PTPN11: variants seen among roughly 807,000 people sequenced by gnomAD.
The protein encoded by PTPN11 is protein tyrosine phosphatase non-receptor type 11, also known as tyrosine-protein phosphatase non-receptor type 11.
A neutral mutation model predicts 78.8 loss-of-function variants in PTPN11; 6 were observed. The observed-to-expected ratio is 0.08, with a 90% CI of 0.04 to 0.15. The LOEUF is 0.15. PTPN11 is among the 10% of genes least tolerant of loss of function. The probability of loss-of-function intolerance (pLI) is 1.00; values close to 1 mark genes in which losing one functional copy is unlikely to be tolerated. For synonymous variants in PTPN11, 221 were observed against 263.5 expected (o/e 0.84, Z 1.56); for missense variants, 386 against 744.8 (o/e 0.52, Z 5.61).
intron 5 of PTPN11, 100 bp downstream of exon 5, chr12:112,454,780 C>A (rs879449089): frequency 3.9e-6 from 3 of 778,978 alleles, no homozygotes; most frequent in Non-Finnish European, 6.8e-6. Context: ...ATAGTATCAT[C>A]AGCCTCCATG....
intron 6 of PTPN11, among the ~76,000 whole-genome samples, chr12:112,469,294 A>G (rs1468061826): frequency 6.6e-6 from 1 of 152,106 alleles, no homozygotes; most frequent in Non-Finnish European, 1.5e-5. Context: ...TCCGTAGATG[A>G]AGCCTGAAGA....
At chr12:112,475,187 G>A (rs990548487) in intron 7 of PTPN11, among the ~76,000 whole-genome samples, 2 of 152,174 alleles carry the variant, frequency 1.3e-5, no homozygotes, top group Admixed American at 1.3e-4. Flanking sequence ...TATAAGTGAA[G>A]GGGAGTGGGT....
intron 15 of PTPN11, among the ~76,000 whole-genome samples, chr12:112,505,206 C>T (rs1324894829): frequency 6.6e-6 from 1 of 152,150 alleles, no homozygotes; most frequent in Non-Finnish European, 1.5e-5. Flanking sequence ...TTCAGTCAGT[C>T]TCTGACCAAC....
intron 13 of PTPN11, among the ~76,000 whole-genome samples, chr12:112,491,906 C>T (rs773477259): frequency 3.9e-5 from 6 of 152,144 alleles, no homozygotes; most frequent in African/African-American, 7.2e-5. Flanking sequence ...GGAGCTTCGC[C>T]GTGTTGCCCC....
At position 112,482,052 on chromosome 12, in the gene PTPN11, CT is replaced by C. The variant is rs1592850227; in HGVS notation, c.1093-15del. On this transcript the variant is annotated intron_variant, in intron 9 of 15. Transcript: ENST00000351677. The surrounding 1 kb of genome is among the most constrained non-coding windows in gnomAD (Gnocchi z 4.4). ...TTTCAGAGTTCACAGAATTAACTTT[CT>C]TTTTTTCTGATCTCTTCCAGAGTAA... 3.9e-6 allele frequency: 6 copies of C among 1,545,428 alleles called. No individual in the cohort carries two copies. Among genetic ancestry groups the C allele is most frequent in the Non-Finnish European group, 5.4e-6 (6 of 1,118,296 alleles).
intron 6 of PTPN11, among the ~76,000 whole-genome samples, chr12:112,465,594 C>T (rs1329300840): frequency 6.6e-6 from 1 of 152,100 alleles, no homozygotes; most frequent in Non-Finnish European, 1.5e-5. Flanking sequence ...TTCTTCTTTC[C>T]ATTCATCTTC....
chr12:112,493,143 C>T (rs1251427389), intron 13 of PTPN11, among the ~76,000 whole-genome samples: 3 of 151,676 alleles, frequency 2.0e-5, no homozygotes, highest in Non-Finnish European at 2.9e-5. Flanking sequence ...ATTACAACCT[C>T]CACCTCCCAG....
At position 112,419,138 on chromosome 12, in the gene PTPN11, G is replaced by C; in HGVS notation, c.14+13G>C. 1 of 1,511,764 alleles carries C rather than the reference G, an allele frequency of 6.6e-7. No homozygotes were observed. Among genetic ancestry groups the C allele is most frequent in the Admixed American group, 2.1e-5 (1 of 48,426 alleles). 93.6% of individuals were successfully genotyped at this position (1,511,764 alleles called of 1,614,324 possible). A position where few individuals can be genotyped will look rare whatever the true frequency, so the allele number is the denominator to read the frequency against. On this transcript the variant is annotated intron_variant, in intron 1 of 15. Transcript: ENST00000351677. ...TGACATCGCGGAGGTGAGGAGCCCC[G>C]AGGGGCCCGGCGCGGGCCTCGGCCC...
intron 6 of PTPN11, among the ~76,000 whole-genome samples, chr12:112,460,337 G>A (rs1566172508): frequency 6.6e-6 from 1 of 151,972 alleles, no homozygotes; most frequent in Non-Finnish European, 1.5e-5. Context: ...AAAGGATCCT[G>A]ATATGCCATT....
chr12:112,483,214 A>G (rs1295812442), intron 10 of PTPN11, among the ~76,000 whole-genome samples: 1 of 149,512 alleles, frequency 6.7e-6, no homozygotes, highest in Admixed American at 6.6e-5. Context: ...TTGAAACAGA[A>G]TCTTGTTCTG....
intron 13 of PTPN11, among the ~76,000 whole-genome samples, chr12:112,495,831 TA>T (rs2038806939): frequency 6.6e-6 from 1 of 152,170 alleles, no homozygotes; most frequent in African/African-American, 2.4e-5. Flanking sequence ...ATGTGTTGAG[TA>T]CTGTACTCAG....
intron 1 of PTPN11, 137 bp from the exon 2 acceptor site, chr12:112,446,139 A>T: frequency 9.4e-7 from 1 of 1,058,606 alleles, no homozygotes; most frequent in Non-Finnish European, 1.4e-6. Context: ...GAAGAGGGGG[A>T]AGGGACAGGG....
chr12:112,453,561 C>T (rs1169366257), intron 4 of PTPN11, among the ~76,000 whole-genome samples, 174 bp downstream of exon 4: 1 of 150,656 alleles, frequency 6.6e-6, no homozygotes, highest in Admixed American at 6.6e-5. Context: ...GGGGTTTCAC[C>T]ACGTTGGGTC....
At chr12:112,436,272 T>A (rs577890197) in intron 1 of PTPN11, among the ~76,000 whole-genome samples, 120 of 152,362 alleles carry the variant, frequency 7.9e-4, no homozygotes, top group Non-Finnish European at 1.4e-3. Flanking sequence ...TTGTTTTATG[T>A]ATTCATTAAG....
At chr12:112,457,799 A>AAT (rs1034636916) in intron 6 of PTPN11, among the ~76,000 whole-genome samples, 65 of 152,206 alleles carry the variant, frequency 4.3e-4, no homozygotes, top group African/African-American at 1.5e-3. Context: ...ACCCATTGAC[A>AAT]ATGTGATCTC....
chr12:112,486,339 C>T (rs1267506332), intron 10 of PTPN11, 136 bp from the exon 11 acceptor site: 3 of 918,688 alleles, frequency 3.3e-6, no homozygotes, highest in Non-Finnish European at 5.2e-6. Flanking sequence ...CTGGGAACCT[C>T]ACGAAGAGGA....
chr12:112,464,855 C>T (rs1410421845), intron 6 of PTPN11, among the ~76,000 whole-genome samples: 1 of 152,144 alleles, frequency 6.6e-6, no homozygotes, highest in African/African-American at 2.4e-5. Context: ...TCCTGAGAGG[C>T]TGGAATTACA....
At chr12:112,456,460 T>C (rs2038161427) in intron 6 of PTPN11, among the ~76,000 whole-genome samples, 1 of 91,294 alleles carries the variant, frequency 1.1e-5, no homozygotes, top group African/African-American at 7.0e-5. Flanking sequence ...TGTGGTGGCT[T>C]TTTTTTTTTT....
At chr12:112,448,236 A>G in intron 2 of PTPN11, among the ~76,000 whole-genome samples, 1 of 146,244 alleles carries the variant, frequency 6.8e-6, no homozygotes, top group South Asian at 2.1e-4. Flanking sequence ...TTTTTGAGAC[A>G]ATCTTGCTCT....
Sources: gnomAD v4.1 joint callset for allele counts (sites outside exome capture counted in the v4.1 genomes callset) on GRCh38, gnomAD v4.1.1 for gene constraint, Gnocchi (gnomAD v3.1) non-coding constraint, MANE v1.5 for transcripts, NCBI Gene and HGNC (gene_info 2026-07-23, HGNC 2026-07-21) for gene names.